FRMPD4: variants seen among roughly 807,000 people sequenced by gnomAD.
FRMPD4 encodes the protein FERM and PDZ domain containing 4.
A neutral mutation model predicts 94.1 loss-of-function variants in FRMPD4; 22 were observed. That is an observed-to-expected ratio of 0.23 (90% CI 0.17 to 0.33). FRMPD4 has a LOEUF of 0.33. FRMPD4 is among the 10% of genes least tolerant of loss of function. FRMPD4 has a pLI of 1.00. For missense variants in FRMPD4, 1,111 were observed against 1,339.9 expected (o/e 0.83, Z 2.67); for synonymous variants, 631 against 548.6 (o/e 1.15, Z -2.10).
chrX:12,064,672 C>A (rs765821599), intron 3 of FRMPD4, among the ~76,000 whole-genome samples: 2 of 111,725 alleles, frequency 1.8e-5, no homozygotes, highest in South Asian at 7.6e-4. Context: ...GTAATCTGTG[C>A]AGGAGTAAGA....
At chrX:12,330,815 C>G (rs1342100675) in intron 1 of FRMPD4, among the ~76,000 whole-genome samples, 1 of 111,634 alleles carries the variant, frequency 9.0e-6, no homozygotes, top group African/African-American at 3.3e-5. Flanking sequence ...AAGGTATACC[C>G]TCTTGCTACC....
chrX:12,239,842 A>G (rs902301940), intron 1 of FRMPD4, among the ~76,000 whole-genome samples: 1 of 111,765 alleles, frequency 8.9e-6, no homozygotes, highest in Non-Finnish European at 1.9e-5. Context: ...TGAGGGTGAT[A>G]GAGCTCTCCG....
At chrX:12,049,739 A>G (rs1193445425) in intron 3 of FRMPD4, among the ~76,000 whole-genome samples, 1 of 111,825 alleles carries the variant, frequency 8.9e-6, no homozygotes, top group Non-Finnish European at 1.9e-5. Flanking sequence ...AGAAGATGAC[A>G]GCGCCATGTA....
At chrX:12,009,451 C>T (rs772138235) in intron 3 of FRMPD4, among the ~76,000 whole-genome samples, 1 of 112,105 alleles carries the variant, frequency 8.9e-6, no homozygotes, top group East Asian at 2.8e-4. Flanking sequence ...ATATTTAGAA[C>T]AAAGCCAGAA....
chrX:12,233,491 T>C (rs1208205474), intron 1 of FRMPD4, among the ~76,000 whole-genome samples: 6 of 111,796 alleles, frequency 5.4e-5, no homozygotes, highest in Non-Finnish European at 1.1e-4. Flanking sequence ...TATTAGGTCT[T>C]ATTTTTTATA....
chrX:11,964,149 T>C (rs1275544829), intron 3 of FRMPD4, among the ~76,000 whole-genome samples: 8 of 107,095 alleles, frequency 7.5e-5, no homozygotes, highest in Admixed American at 5.2e-4. Context: ...GATTCAGTGC[T>C]TTTTTTGTTG....
chrX:12,637,775 T>C (rs1240646798), intron 4 of FRMPD4, among the ~76,000 whole-genome samples: 30 of 112,383 alleles, frequency 2.7e-4, no homozygotes, highest in Admixed American at 2.5e-3. Context: ...GTATAATTCT[T>C]AGAAATGGCT....
intron 1 of FRMPD4, among the ~76,000 whole-genome samples, chrX:11,836,404 G>T (rs1371992530): frequency 1.8e-5 from 2 of 111,406 alleles, no homozygotes; most frequent in East Asian, 5.6e-4. Flanking sequence ...AAAATTAGAG[G>T]TGAGGGTGAA....
intron 1 of FRMPD4, among the ~76,000 whole-genome samples, chrX:12,411,806 A>G (rs191781754): frequency 1.6e-3 from 183 of 111,451 alleles, no homozygotes; most frequent in African/African-American, 5.6e-3. Flanking sequence ...AAGATGACCT[A>G]GTAAGCTCCT....
At chrX:11,995,731 A>G (rs6639119) in intron 3 of FRMPD4, among the ~76,000 whole-genome samples, 8,840 of 111,835 alleles carry the variant, frequency 0.079, 330 homozygotes, top group East Asian at 0.25. Context: ...TGGCCAAACA[A>G]GCATATCAAC....
intron 1 of FRMPD4, among the ~76,000 whole-genome samples, chrX:12,245,044 A>G (rs1408343684): frequency 8.9e-6 from 1 of 112,809 alleles, no homozygotes; most frequent in Non-Finnish European, 1.9e-5. Context: ...AGGGTAGAAC[A>G]CATGTTTGAT....
chrX:12,375,341 A>G (rs1474955119), intron 1 of FRMPD4, among the ~76,000 whole-genome samples: 1 of 112,618 alleles, frequency 8.9e-6, no homozygotes, highest in Non-Finnish European at 1.9e-5. Flanking sequence ...TAAGGGTTTT[A>G]CCAAGCTAAA....
chrX:12,387,650 C>T (rs1345070883), intron 1 of FRMPD4, among the ~76,000 whole-genome samples: 2 of 110,591 alleles, frequency 1.8e-5, no homozygotes, highest in African/African-American at 6.6e-5. Context: ...GTTAATAATG[C>T]AACTTCTTAA....
rs936587886 is a variant in FRMPD4 at position 12,378,225 on chromosome X, G to A, written c.42-120455G>A. Among the ~76,000 whole-genome samples the A allele has an allele frequency of 2.7e-5, 3 of 112,326 alleles. No homozygotes were observed. The Admixed American group carries it at 2.8e-4, about 11-fold the overall frequency. Reference sequence around the variant, plus strand: ...TTTGCTGGAAGAGAAAACTCCTCTGGAGAGGAAATTGGTATTGTATTTTAG... The same window carrying A: ...TTTGCTGGAAGAGAAAACTCCTCTGAAGAGGAAATTGGTATTGTATTTTAG... On this transcript the variant is annotated intron_variant, in intron 1 of 16. Coordinates refer to ENST00000675598, the MANE Select transcript of FRMPD4 (RefSeq NM_001368397.1).
At chrX:11,842,915 T>C (rs1006249536) in intron 1 of FRMPD4, among the ~76,000 whole-genome samples, 4 of 110,649 alleles carry the variant, frequency 3.6e-5, no homozygotes, top group Non-Finnish European at 7.6e-5. Context: ...TATTTTGAGA[T>C]ACATCCCATC....
At chrX:12,459,098 G>A (rs1477804265) in intron 1 of FRMPD4, among the ~76,000 whole-genome samples, 3 of 111,508 alleles carry the variant, frequency 2.7e-5, no homozygotes, top group African/African-American at 9.8e-5. Context: ...AACAGAGAAA[G>A]TACTTCTTTT....
At chrX:12,180,002 G>A (rs1053327262) in intron 1 of FRMPD4, among the ~76,000 whole-genome samples, 9 of 109,979 alleles carry the variant, frequency 8.2e-5, no homozygotes, top group African/African-American at 2.6e-4. Flanking sequence ...TTATCTGTTG[G>A]TATTGGGTAT....
chrX:11,920,984 T>C lies in FRMPD4; in HGVS notation c.95+42966T>C, dbSNP rs748019921. 5.5e-4 allele frequency among the ~76,000 whole-genome samples: 62 copies of C among 112,255 alleles called. No individual in the cohort carries two copies. The Admixed American group carries it at 5.8e-3, about 11-fold the overall frequency. ...GCTCGCCAACTGCTTTAGCAAGCAT[T>C]CCCCAACTTCGGTGCTGTAATGTGG... On this transcript the variant is annotated intron_variant, in intron 3 of 18. Coordinates refer to the FRMPD4 transcript ENST00000640291.
chrX:11,847,120 G>A (rs765665048), intron 1 of FRMPD4, among the ~76,000 whole-genome samples: 2,036 of 110,164 alleles, frequency 0.018, 28 homozygotes, highest in Non-Finnish European at 0.027. Context: ...GAAAATTTTC[G>A]CAACCTACTC....
Sources: gnomAD v4.1 joint callset for allele counts (sites outside exome capture counted in the v4.1 genomes callset) on GRCh38, gnomAD v4.1.1 for gene constraint, MANE v1.5 for transcripts, NCBI Gene and HGNC (gene_info 2026-07-23, HGNC 2026-07-21) for gene names.